The following RIF1 variants were observed in gnomAD, a reference collection of about 807,000 sequenced individuals.
RIF1 encodes the protein replication timing regulatory factor 1, also known as telomere-associated protein RIF1.
Under a neutral mutation model 247.1 loss-of-function variants are expected in RIF1, and 45 were observed. The ratio of observed to expected loss-of-function variants is 0.18; its 90% confidence interval spans 0.14 to 0.23. The LOEUF (loss-of-function observed/expected upper bound fraction) is 0.23. Among genes scored for constraint, RIF1 ranks in the 10% least tolerant of loss-of-function variants. The probability of loss-of-function intolerance (pLI) is 1.00; values close to 1 mark genes in which losing one functional copy is unlikely to be tolerated. For missense variants in RIF1, 2,967 were observed against 2,862.5 expected (o/e 1.04, Z -0.83); for synonymous variants, 1,087 against 978.8 (o/e 1.11, Z -2.06).
At chr2:151,474,175 AATT>A (rs2048795580) in intron 35 of RIF1, 103 bp downstream of exon 35, 1 of 681,536 alleles carries the variant, frequency 1.5e-6, no homozygotes, top group Non-Finnish European at 2.6e-6. Flanking sequence ...TTATTTCAAC[AATT>A]ATTTTATGTT....
At chr2:151,531,099 G>T in the RIF1 span, 4 of 1,590,636 alleles carry the variant, frequency 2.5e-6, no homozygotes, top group Non-Finnish European at 3.4e-6. Context: ...ATTTATAAAG[G>T]ATCTGAAAGA....
the RIF1 span, among the ~76,000 whole-genome samples, chr2:151,513,267 A>G: frequency 6.6e-6 from 1 of 152,168 alleles, no homozygotes; most frequent in Non-Finnish European, 1.5e-5. Flanking sequence ...CCTGGCATCA[A>G]ATGAGTGGAC....
chr2:151,488,542 T>A (rs1273073368), intron 9 of RIF1, among the ~76,000 whole-genome samples: 1 of 151,440 alleles, frequency 6.6e-6, no homozygotes, highest in Non-Finnish European at 1.5e-5. Context: ...GCTATTCTGG[T>A]GGCTGAGGCT....
In RIF1 at chr2:151,410,038, G is replaced by A. The variant is rs1420109310; in HGVS notation, c.-11+5G>A. On this transcript the variant is annotated splice_donor_5th_base_variant and intron_variant, in intron 1 of 35. Transcript: ENST00000444746. Reference sequence around the variant, plus strand: ...ACCCTGTCCTGATCTTCCTAGGTGGGATAAATATCGGGGTGACAGTGGTAG... The same window carrying A: ...ACCCTGTCCTGATCTTCCTAGGTGGAATAAATATCGGGGTGACAGTGGTAG... 1.4e-6 allele frequency: 1 copy of A among 702,946 alleles called. No individual in the cohort carries two copies. The highest frequency in any genetic ancestry group is 2.6e-6 in the Non-Finnish European group (1 of 384,942). 43.5% of individuals were successfully genotyped at this position (702,946 alleles called of 1,614,324 possible).
intron 19 of RIF1, 80 bp from the exon 20 acceptor site, chr2:151,446,346 T>A: frequency 1.6e-6 from 2 of 1,288,206 alleles, no homozygotes; most frequent in South Asian, 1.2e-5. Context: ...TTTTAAAAAA[T>A]GTTAAAGATG....
intron 10 of RIF1, among the ~76,000 whole-genome samples, chr2:151,495,725 A>G (rs1365188307): frequency 1.7e-5 from 2 of 116,972 alleles, no homozygotes; most frequent in African/African-American, 3.1e-5. Flanking sequence ...CATTCTGGTG[A>G]CACTTTCATT....
intron 8 of RIF1, among the ~76,000 whole-genome samples, chr2:151,424,133 C>T (rs543277712): frequency 2.0e-5 from 3 of 152,260 alleles, no homozygotes; most frequent in African/African-American, 4.8e-5. Context: ...GACGGAGTTT[C>T]GCTCTTGTCA....
At chr2:151,514,103 T>C in the RIF1 span, among the ~76,000 whole-genome samples, 2 of 152,254 alleles carry the variant, frequency 1.3e-5, no homozygotes, top group Admixed American at 1.3e-4. Flanking sequence ...TAGATTATGA[T>C]AACCACTACA....
rs769813518 is a variant in RIF1, at chr2:151,466,030, C to G, written c.6510C>G (p.Val2170=). The G allele has an allele frequency of 9.3e-6, 15 of 1,613,886 alleles. No individual in the cohort carries two copies. The South Asian group carries it at 1.5e-4, about 17-fold the overall frequency. The change falls in exon 30 of 36, where the codon GTC becomes GTG. Residue 2170 remains valine (V), a synonymous_variant. Transcript: ENST00000444746. ...CTAGTGGCATGCAGACACGCTGTGT[C>G]TGGTCTCCTTTGGCTTCTCCGTCTA... is the stretch of plus-strand genomic sequence containing the variant. ...DSPSGMQTRC[V]WSPLASPSTS...
At chr2:151,489,169 C>T (rs945403500) in intron 9 of RIF1, among the ~76,000 whole-genome samples, 6 of 152,052 alleles carry the variant, frequency 3.9e-5, no homozygotes, top group Admixed American at 2.0e-4. Context: ...TTATTTAGAC[C>T]TTCTTGTATG....
At chr2:151,431,000 G>T (rs1052620066) in intron 9 of RIF1, among the ~76,000 whole-genome samples, 1 of 152,126 alleles carries the variant, frequency 6.6e-6, no homozygotes, top group Non-Finnish European at 1.5e-5. Flanking sequence ...ATGTTTATGA[G>T]CTGGCATGTA....
At chr2:151,441,448 G>A (rs1031537256) in intron 15 of RIF1, among the ~76,000 whole-genome samples, 9 of 152,146 alleles carry the variant, frequency 5.9e-5, no homozygotes, top group Non-Finnish European at 1.0e-4. Context: ...CATTCATATA[G>A]CAGTATTTTT....
Position 151,481,638 on chromosome 2 carries a change from TG to T in RIF1, c.*6568del, listed in dbSNP as rs1434133770. On this transcript the variant is annotated 3_prime_UTR_variant, in exon 36 of 36. Transcript: ENST00000444746. ...GATAAGTCTTAAAAATGATTTAAGTTGAAGCCTAACAGAAGTACTTGTTCAT... is the reference window on the plus strand; with the variant it reads ...GATAAGTCTTAAAAATGATTTAAGTTAAGCCTAACAGAAGTACTTGTTCAT... 1 of 152,246 alleles carries T rather than the reference TG, an allele frequency of 6.6e-6. No individual in the cohort carries two copies. Among genetic ancestry groups the T allele is most frequent in the Non-Finnish European group, 1.5e-5 (1 of 68,044 alleles). 9.4% of individuals were successfully genotyped at this position (152,246 alleles called of 1,614,324 possible). A position where few individuals can be genotyped will look rare whatever the true frequency, so the allele number is the denominator to read the frequency against.
chr2:151,514,774 A>C, the RIF1 span: 6 of 1,300,206 alleles, frequency 4.6e-6, no homozygotes, highest in Non-Finnish European at 1.1e-6. Flanking sequence ...CACTAGTGCA[A>C]TTATTTGGAT....
At chr2:151,459,480 G>A (rs2152479164) in intron 25 of RIF1, among the ~76,000 whole-genome samples, 1 of 152,250 alleles carries the variant, frequency 6.6e-6, no homozygotes, top group South Asian at 2.1e-4. Context: ...AAAAAAGACT[G>A]TTATAGCCAA....
chr2:151,493,628 G>T, intron 9 of RIF1: 2 of 747,248 alleles, frequency 2.7e-6, no homozygotes, highest in Non-Finnish European at 4.2e-6. Context: ...TGACCTCGTG[G>T]GGTTGGTTTG....
intron 6 of RIF1, among the ~76,000 whole-genome samples, chr2:151,417,898 C>T (rs1272507856): frequency 6.6e-6 from 1 of 152,138 alleles, no homozygotes; most frequent in African/African-American, 2.4e-5. Context: ...GGCTACAGAC[C>T]TGTACAGTAT....
At chr2:151,450,104 A>C (rs1242655028) in intron 20 of RIF1, among the ~76,000 whole-genome samples, 2 of 151,808 alleles carry the variant, frequency 1.3e-5, no homozygotes, top group African/African-American at 4.8e-5. Flanking sequence ...GGCCTCCCAA[A>C]GTGCTGGGAT....
chr2:151,503,094 A>C (rs2065958884), exon 12 of RIF1: 2 of 586,420 alleles, frequency 3.4e-6, no homozygotes, highest in Admixed American at 3.4e-5. Context: ...GGAAAGCATT[A>C]AGTTATATAA....
Sources: gnomAD v4.1 joint callset for allele counts (sites outside exome capture counted in the v4.1 genomes callset) on GRCh38, gnomAD v4.1.1 for gene constraint, MANE v1.5 for transcripts, NCBI Gene and HGNC (gene_info 2026-07-23, HGNC 2026-07-21) for gene names.